Variants in NR4A1 observed in about 807,000 individuals in gnomAD.
NR4A1 encodes the protein nuclear receptor subfamily 4 group A member 1.
In NR4A1, 24 loss-of-function variants were observed where a neutral mutation model predicts 47.5. That is an observed-to-expected ratio of 0.50 (90% CI 0.37 to 0.71). The LOEUF is 0.71. Ranked by LOEUF, NR4A1 falls within the 30% of genes least tolerant of loss-of-function variation. NR4A1 has a pLI of 0.00. For synonymous variants in NR4A1, 353 were observed against 345.7 expected (o/e 1.02, Z -0.24); for missense variants, 669 against 788.6 (o/e 0.85, Z 1.82).
chr12:52,033,058 GC>G (rs1043042458), intron 1 of NR4A1, among the ~76,000 whole-genome samples: 1 of 152,238 alleles, frequency 6.6e-6, no homozygotes, highest in Non-Finnish European at 1.5e-5. Flanking sequence ...CCAATGGTGT[GC>G]AGGGGTGTTG....
At chr12:52,029,746 C>T (rs1264514368) in intron 1 of NR4A1, among the ~76,000 whole-genome samples, 1 of 152,140 alleles carries the variant, frequency 6.6e-6, no homozygotes, top group Non-Finnish European at 1.5e-5. Context: ...GAATACCTAC[C>T]CCTCTGCCAT....
At chr12:52,043,737 GCTCA>G in intron 2 of NR4A1, 1 of 1,282,296 alleles carries the variant, frequency 7.8e-7, no homozygotes, top group African/African-American at 1.5e-5. Context: ...TCCAGAGCTC[GCTCA>G]GCTGCTGCCC....
At chr12:52,023,697 C>T (rs1316655955) in intron 1 of NR4A1, among the ~76,000 whole-genome samples, 1 of 152,030 alleles carries the variant, frequency 6.6e-6, no homozygotes, top group Admixed American at 6.5e-5. Context: ...CAGCCCCTCC[C>T]CTGCTGCTCC....
intron 2 of NR4A1, among the ~76,000 whole-genome samples, chr12:52,045,195 G>A (rs2121002701): frequency 6.6e-6 from 1 of 152,328 alleles, no homozygotes; most frequent in South Asian, 2.1e-4. Context: ...TGGGGTTACT[G>A]TTTGTCTGTA....
upstream of NR4A1, among the ~76,000 whole-genome samples, chr12:52,048,938 A>G (rs1938787167): frequency 6.6e-6 from 1 of 152,194 alleles, no homozygotes; most frequent in Non-Finnish European, 1.5e-5. Context: ...GAAATGAGGT[A>G]GGGATCCTGG....
intron 1 of NR4A1, among the ~76,000 whole-genome samples, chr12:52,031,362 C>G (rs116652769): frequency 0.017 from 2,561 of 151,652 alleles, 27 homozygotes; most frequent in African/African-American, 0.032. Context: ...TCCCGCCAGG[C>G]ACAGTGGCTC....
chr12:52,034,507 C>G (rs1339187954), intron 1 of NR4A1, among the ~76,000 whole-genome samples: 1 of 152,206 alleles, frequency 6.6e-6, no homozygotes, highest in Non-Finnish European at 1.5e-5. Context: ...CCTTTCCTAT[C>G]TGCAATAGGG....
At chr12:52,027,237 C>T (rs1035192088) in intron 1 of NR4A1, among the ~76,000 whole-genome samples, 1 of 152,310 alleles carries the variant, frequency 6.6e-6, no homozygotes, top group African/African-American at 2.4e-5. Context: ...GAGGCTGTAC[C>T]GGCTGGGCTG....
intron 1 of NR4A1, among the ~76,000 whole-genome samples, chr12:52,035,634 T>C (rs1313337494): frequency 6.6e-6 from 1 of 152,206 alleles, no homozygotes; most frequent in Non-Finnish European, 1.5e-5. Flanking sequence ...CCTCAGTTTC[T>C]TTATCTGCAA....
chr12:52,055,063 A>C lies in NR4A1; in HGVS notation c.735A>C (p.Ile245=). Residue 245 remains isoleucine, a synonymous_variant, in exon 2 of 7, where the codon ATA becomes ATC. Transcript: ENST00000394825. ...PTSPHLEGSG[I]LDTPVTSTKA... ...CTCCACACCTTGAGGGCTCGGGGAT[A>C]CTGGATACACCCGTGACCTCAACCA... 1 of 1,614,238 alleles carries C rather than the reference A, an allele frequency of 6.2e-7. No individual in the cohort carries two copies. Among genetic ancestry groups the C allele is most frequent in the Non-Finnish European group, 8.5e-7 (1 of 1,180,032 alleles).
At chr12:52,048,449 G>GC (rs752769329), upstream of NR4A1, among the ~76,000 whole-genome samples, 16 of 151,908 alleles carry the variant, frequency 1.1e-4, no homozygotes, top group South Asian at 1.7e-3. Context: ...AAAAAAATTA[G>GC]CTGGCGTGGT....
intron 1 of NR4A1, chr12:52,053,273 G>T (rs1298083945): frequency 6.6e-6 from 1 of 152,098 alleles, no homozygotes; most frequent in Non-Finnish European, 1.5e-5. Flanking sequence ...GGCTCCTCGG[G>T]ACTGGGGCTG....
intron 2 of NR4A1, among the ~76,000 whole-genome samples, chr12:52,046,262 T>C (rs560113956): frequency 4.0e-4 from 61 of 152,298 alleles, no homozygotes; most frequent in African/African-American, 1.4e-3. Context: ...GTGGTGGACA[T>C]TGGCTGCTCA....
In NR4A1 at chr12:52,056,620, G is replaced by A; in HGVS notation, c.1133G>A (p.Ser378Asn). 6.2e-7 allele frequency: 1 copy of A among 1,606,548 alleles called. No individual in the cohort carries two copies. The highest frequency in any genetic ancestry group is 1.1e-5 in the South Asian group (1 of 89,962). ...CGTGCACACCTGGACTCAGGGCCCA[G>A]CACTGCCAAACTGGACTACTCCAAG... is the stretch of plus-strand genomic sequence containing the variant. ...LVRAHLDSGP[S>N]TAKLDYSKFQ... The change falls in exon 4 of 7, where the codon AGC (serine) becomes AAC (asparagine). Residue 378 changes from serine to asparagine, a missense_variant. Transcript: ENST00000394825.
At chr12:52,035,279 T>C (rs1938211905) in intron 1 of NR4A1, among the ~76,000 whole-genome samples, 1 of 152,226 alleles carries the variant, frequency 6.6e-6, no homozygotes, top group African/African-American at 2.4e-5. Flanking sequence ...TATGTTTTAT[T>C]TGATTATAAA....
At chr12:52,032,027 C>T (rs1330470445) in intron 1 of NR4A1, among the ~76,000 whole-genome samples, 1 of 152,092 alleles carries the variant, frequency 6.6e-6, no homozygotes, top group African/African-American at 2.4e-5. Flanking sequence ...AACTCCCGGC[C>T]TCAAGTGATC....
In NR4A1 at chr12:52,056,618, C is replaced by T. The variant is rs367570609; in HGVS notation, c.1131C>T (p.Pro377=). 1.6e-5 allele frequency: 25 copies of T among 1,606,814 alleles called. No individual in the cohort carries two copies. In the African/African-American group the frequency reaches 3.2e-4, roughly 21 times the overall value. The change falls in exon 4 of 7, where the codon CCC becomes CCT. Residue 377 remains proline, a synonymous_variant. Transcript: ENST00000394825. The part of the protein sequence containing the change: ...SLVRAHLDSG[P]STAKLDYSKF... ...TCCGTGCACACCTGGACTCAGGGCCCAGCACTGCCAAACTGGACTACTCCA... is the reference window on the plus strand; with the variant it reads ...TCCGTGCACACCTGGACTCAGGGCCTAGCACTGCCAAACTGGACTACTCCA...
chr12:52,040,759 A>C (rs1938402776), intron 1 of NR4A1, among the ~76,000 whole-genome samples: 1 of 152,112 alleles, frequency 6.6e-6, no homozygotes, highest in Non-Finnish European at 1.5e-5. Flanking sequence ...GAGGAAGCCC[A>C]TTGCCCACCC....
At position 52,055,370 on chromosome 12, in the gene NR4A1, G is replaced by A. The variant is rs144883867; in HGVS notation, c.876+166G>A. The A allele has an allele frequency of 2.7e-4, 222 of 807,438 alleles. 1 individual carries two copies. In the Middle Eastern group the frequency reaches 5.5e-3, roughly 20 times the overall value. 50.0% of individuals were successfully genotyped at this position (807,438 alleles called of 1,614,324 possible). On this transcript the variant is annotated intron_variant, in intron 2 of 6. Transcript: ENST00000394825. ...GCCGCCTTCCTGGAGACCCGTAGAT[G>A]CCAGGGCTGGAAGCTTTCATTTGCC...
Sources: allele counts gnomAD v4.1 joint callset (sites outside exome capture counted in the v4.1 genomes callset), GRCh38; gene constraint gnomAD v4.1.1; transcripts MANE v1.5; gene names NCBI Gene and HGNC (gene_info 2026-07-23, HGNC 2026-07-21).